SEMA3D: variants seen among roughly 807,000 people sequenced by gnomAD.
SEMA3D encodes the protein semaphorin 3D, also known as semaphorin-3D.
A neutral mutation model predicts 100.1 loss-of-function variants in SEMA3D; 84 were observed. The observed-to-expected ratio is 0.84, with a 90% CI of 0.70 to 1.01. The LOEUF is 1.01. Among genes scored for constraint, SEMA3D ranks in the 50% least tolerant of loss-of-function variants. The pLI is 0.00. For synonymous variants in SEMA3D, 312 were observed against 320.7 expected, an observed-to-expected ratio of 0.97 and a Z score of 0.29; for missense variants, 875 against 934.1, an observed-to-expected ratio of 0.94 and a Z score of 0.82.
intron 1 of SEMA3D, chr7:85,163,098 T>C (rs1790792032): frequency 3.8e-6 from 2 of 531,222 alleles, no homozygotes; most frequent in Non-Finnish European, 2.4e-6. Context: ...TAAAACAGAA[T>C]ACAAAGAAAA....
intron 3 of SEMA3D, among the ~76,000 whole-genome samples, chr7:85,119,722 T>C (rs1456552980): frequency 6.6e-6 from 1 of 152,160 alleles, no homozygotes; most frequent in East Asian, 1.9e-4. Flanking sequence ...ACAACTTGCC[T>C]ATGTAACAAA....
At chr7:85,213,780 A>C in the SEMA3D span, among the ~76,000 whole-genome samples, 7 of 152,178 alleles carry the variant, frequency 4.6e-5, no homozygotes, top group Admixed American at 2.6e-4. Flanking sequence ...TTTGATTAGT[A>C]CTAAAACTGC....
rs1044383735 is a variant in SEMA3D, at chr7:85,012,789, G to A, written c.1761C>T (p.Ile587=). ...TATCAGAGCTGTACTTACTGTCTTC[G>A]ATGTCCCAGCACTGGGTGATTGGGT... is the stretch of plus-strand genomic sequence containing the variant. ...YGDPITQCWD[I]EDSISHETAD... The change falls in exon 17 of 19, where the codon ATC becomes ATT. Residue 587 remains isoleucine, a synonymous_variant. Coordinates refer to ENST00000284136, the MANE Select transcript of SEMA3D (RefSeq NM_001384900.1). 4.3e-6 allele frequency: 7 copies of A among 1,609,328 alleles called. No individual in the cohort carries two copies. In the East Asian group the frequency reaches 6.7e-5, roughly 15 times the overall value.
chr7:85,094,899 C>A (rs938892318), intron 4 of SEMA3D, among the ~76,000 whole-genome samples: 1 of 151,834 alleles, frequency 6.6e-6, no homozygotes, highest in Non-Finnish European at 1.5e-5. Flanking sequence ...GCTTTTAAGT[C>A]TAAGTCCCTA....
At chr7:85,073,163 T>C (rs1562806153) in intron 5 of SEMA3D, 82 bp from the exon 6 acceptor site, 1 of 1,217,314 alleles carries the variant, frequency 8.2e-7, no homozygotes, top group East Asian at 2.3e-5. Context: ...GTTTTCCAAG[T>C]AGATCAATCT....
At chr7:85,028,986 T>A (rs1790469525) in intron 12 of SEMA3D, 1 of 368,226 alleles carries the variant, frequency 2.7e-6, no homozygotes, top group African/African-American at 2.1e-5. Flanking sequence ...CATCTCAAAA[T>A]GTTCAAGATT....
At position 85,126,668 on chromosome 7, in the gene SEMA3D, G is replaced by A. The variant is rs138702217; in HGVS notation, c.-40-4737C>T. 1.2e-3 allele frequency among the ~76,000 whole-genome samples: 181 copies of A among 152,116 alleles called. 1 individual carries two copies. The highest frequency in any genetic ancestry group is 2.3e-3 in the Non-Finnish European group (154 of 67,992). ...TATTGTTTGATTAGATGGTTTTCCTGTAGGGTGCACATGACTGATCAATTA... is the reference window on the plus strand; with the variant it reads ...TATTGTTTGATTAGATGGTTTTCCTATAGGGTGCACATGACTGATCAATTA... On this transcript the variant is annotated intron_variant, in intron 2 of 18. Coordinates refer to ENST00000284136, the MANE Select transcript of SEMA3D (RefSeq NM_001384900.1).
At chr7:85,130,874 C>A (rs1789708125) in intron 2 of SEMA3D, among the ~76,000 whole-genome samples, 1 of 152,070 alleles carries the variant, frequency 6.6e-6, no homozygotes, top group Non-Finnish European at 1.5e-5. Flanking sequence ...GTTAAGCGCA[C>A]AGGCAAAAAG....
chr7:85,066,590 T>A (rs1444543947), intron 7 of SEMA3D, among the ~76,000 whole-genome samples: 1 of 151,984 alleles, frequency 6.6e-6, no homozygotes, highest in Non-Finnish European at 1.5e-5. Context: ...CCTCTACTAT[T>A]TCAAGAAACT....
Position 85,097,985 on chromosome 7 carries a change from AAAAG to A in SEMA3D, c.152-24_152-21del, listed in dbSNP as rs1448613594. ...GCAAGTCTATGGAAAGCAAAAAAAG[AAAAG>A]AAAGGAGAAAGAAAAAAGAAAGAAA... On this transcript the variant is annotated intron_variant, in intron 3 of 18. Coordinates refer to ENST00000284136, the MANE Select transcript of SEMA3D (RefSeq NM_001384900.1). The A allele has an allele frequency of 5.0e-6, 7 of 1,387,646 alleles. No homozygotes were observed. Among genetic ancestry groups the A allele is most frequent in the Non-Finnish European group, 6.8e-6 (7 of 1,036,460 alleles). 86.0% of individuals were successfully genotyped at this position (1,387,646 alleles called of 1,614,324 possible).
intron 17 of SEMA3D, among the ~76,000 whole-genome samples, chr7:85,011,583 TTTG>T (rs1330490944): frequency 6.6e-6 from 1 of 151,840 alleles, no homozygotes; most frequent in African/African-American, 2.4e-5. Context: ...CACAGATTCT[TTTG>T]TTGTTTTCTT....
intron 8 of SEMA3D, among the ~76,000 whole-genome samples, 193 bp from the exon 9 acceptor site, chr7:85,056,052 A>C (rs969812992): frequency 2.0e-5 from 3 of 152,072 alleles, no homozygotes; most frequent in Admixed American, 6.6e-5. Flanking sequence ...ATAAAGAGGT[A>C]CTGAACAAGT....
intron 1 of SEMA3D, among the ~76,000 whole-genome samples, chr7:85,160,647 CTGCACCTGG>C (rs1790721886): frequency 6.6e-6 from 1 of 152,052 alleles, no homozygotes; most frequent in Non-Finnish European, 1.5e-5. Context: ...ACTGGTGGGA[CTGCACCTGG>C]TGTTCAGACC....
the SEMA3D span, among the ~76,000 whole-genome samples, chr7:85,233,677 T>C: frequency 2.0e-5 from 3 of 152,242 alleles, no homozygotes; most frequent in Non-Finnish European, 2.9e-5. Context: ...TGTAATCATT[T>C]TGCATGTGGA....
intron 6 of SEMA3D, among the ~76,000 whole-genome samples, chr7:85,069,007 A>G (rs1791700580): frequency 1.3e-5 from 2 of 152,136 alleles, no homozygotes; most frequent in Admixed American, 6.5e-5. Context: ...TCCAAGAAAA[A>G]ATATGAATGT....
chr7:85,210,182 T>C, the SEMA3D span, among the ~76,000 whole-genome samples: 2 of 152,062 alleles, frequency 1.3e-5, no homozygotes, highest in African/African-American at 4.8e-5. Flanking sequence ...AGTAAAACCA[T>C]TGCAAATCTT....
intron 9 of SEMA3D, among the ~76,000 whole-genome samples, chr7:85,051,735 A>G (rs1297837863): frequency 6.6e-6 from 1 of 151,958 alleles, no homozygotes; most frequent in Non-Finnish European, 1.5e-5. Context: ...CCAAATATAA[A>G]AATCTGTGCT....
At chr7:85,201,049 G>A in the SEMA3D span, among the ~76,000 whole-genome samples, 1 of 152,196 alleles carries the variant, frequency 6.6e-6, no homozygotes, top group Non-Finnish European at 1.5e-5. Flanking sequence ...TGGGTATGTG[G>A]ATTCTCAAGT....
chr7:84,998,414 G>A lies in SEMA3D; in HGVS notation c.*1026C>T, dbSNP rs1789561536. The A allele has an allele frequency of 6.6e-6, 1 of 152,084 alleles. No homozygotes were observed. The highest frequency in any genetic ancestry group is 1.5e-5 in the Non-Finnish European group (1 of 67,984). The allele number at this position is 152,084 out of a possible 1,614,324, so 9.4% of individuals were successfully genotyped here. ...CTTCAGAAGAATTTATGTTTCCTCA[G>A]ATTTTGCTAGCAGTTTGTTATAATC... On this transcript the variant is annotated 3_prime_UTR_variant, in exon 19 of 19. Transcript: ENST00000284136.
Sources: gnomAD v4.1 joint callset for allele counts (sites outside exome capture counted in the v4.1 genomes callset) on GRCh38, gnomAD v4.1.1 for gene constraint, MANE v1.5 for transcripts, NCBI Gene and HGNC (gene_info 2026-07-23, HGNC 2026-07-21) for gene names.